Variants in SYNGR1 observed in about 807,000 individuals in gnomAD.
SYNGR1 encodes the protein synaptogyrin 1, also known as synaptogyrin-1.
SYNGR1 carries 14 observed loss-of-function variants against 26.1 expected under a neutral mutation model. The observed-to-expected ratio is 0.54, with a 90% CI of 0.35 to 0.84. The LOEUF (loss-of-function observed/expected upper bound fraction) is 0.84. SYNGR1 is among the 40% of genes least tolerant of loss of function. The probability of loss-of-function intolerance (pLI) is 0.01; values close to 1 mark genes in which losing one functional copy is unlikely to be tolerated. For missense variants in SYNGR1, 319 were observed against 332.9 expected (o/e 0.96, Z 0.33); for synonymous variants, 141 against 150.1 (o/e 0.94, Z 0.44).
At chr22:39,363,169 C>T (rs1924569554) in intron 1 of SYNGR1, among the ~76,000 whole-genome samples, 1 of 151,694 alleles carries the variant, frequency 6.6e-6, no homozygotes, top group Non-Finnish European at 1.5e-5. Context: ...CTCAGGAGGG[C>T]TTGGGAGGAG....
chr22:39,380,163 G>GAAAAAAAAAA (rs11376276), intron 3 of SYNGR1: 1 of 138,320 alleles, frequency 7.2e-6, no homozygotes. Flanking sequence ...TGAGATCTGT[G>GAAAAAAAAAA]AAAAAAAAAA....
At chr22:39,376,454 TCA>T (rs1925288895) in intron 3 of SYNGR1, among the ~76,000 whole-genome samples, 1 of 94,208 alleles carries the variant, frequency 1.1e-5, no homozygotes, top group South Asian at 4.6e-4. Flanking sequence ...TTCCTGGGGG[TCA>T]CGGACCACCC....
At position 39,350,654 on chromosome 22, in the gene SYNGR1, C is replaced by T. The variant is rs1349639278; in HGVS notation, c.99+545C>T. ...GGGAACTGAGTACCTCTCTTCCACC[C>T]GGGAACTGCCTCTCCTTCTCTGCGT... On this transcript the variant is annotated intron_variant, in intron 1 of 3. Coordinates refer to ENST00000328933, the MANE Select transcript of SYNGR1 (RefSeq NM_004711.5). The surrounding 1 kb of genome is among the most constrained non-coding windows in gnomAD (Gnocchi z 4.3). Among the ~76,000 whole-genome samples, 2 of 152,148 alleles carry T rather than the reference C, an allele frequency of 1.3e-5. No individual in the cohort carries two copies. Among genetic ancestry groups the T allele is most frequent in the South Asian group, 2.1e-4 (1 of 4,814 alleles).
At chr22:39,364,623 A>G (rs539655300) in intron 1 of SYNGR1, among the ~76,000 whole-genome samples, 3 of 152,248 alleles carry the variant, frequency 2.0e-5, no homozygotes, top group African/African-American at 7.2e-5. Context: ...CAGCGTTCAG[A>G]GGGCAAAGAG....
intron 3 of SYNGR1, among the ~76,000 whole-genome samples, chr22:39,380,539 A>G (rs1210344925): frequency 6.7e-6 from 1 of 150,030 alleles, no homozygotes; most frequent in African/African-American, 2.5e-5. Context: ...ACAGGCCAGT[A>G]CCACTATGCC....
At chr22:39,373,569 A>T (rs1037198094) in intron 1 of SYNGR1, among the ~76,000 whole-genome samples, 1 of 151,628 alleles carries the variant, frequency 6.6e-6, no homozygotes, top group Non-Finnish European at 1.5e-5. Flanking sequence ...TACAACCTCC[A>T]CCTCCTGGGC....
chr22:39,375,883 C>A, intron 2 of SYNGR1, 169 bp from the exon 3 acceptor site: 1 of 878,192 alleles, frequency 1.1e-6, no homozygotes, highest in Non-Finnish European at 1.9e-6. Flanking sequence ...CTTCTCTTGG[C>A]TCCCCTCTCT....
chr22:39,372,009 T>C (rs1366850442), intron 1 of SYNGR1, among the ~76,000 whole-genome samples: 1 of 152,014 alleles, frequency 6.6e-6, no homozygotes, highest in Non-Finnish European at 1.5e-5. Context: ...TTTCTGTGGG[T>C]GAGGAATCTG....
intron 1 of SYNGR1, among the ~76,000 whole-genome samples, chr22:39,373,738 C>A (rs940799255): frequency 3.3e-5 from 5 of 152,196 alleles, no homozygotes; most frequent in African/African-American, 1.2e-4. Context: ...CTACCTTGGC[C>A]TCCCAAAGTG....
rs137704 is a variant in SYNGR1, at chr22:39,354,843, T to TA, written c.99+4748dup. On this transcript the variant is annotated intron_variant, in intron 1 of 3. Coordinates refer to ENST00000328933, the MANE Select transcript of SYNGR1 (RefSeq NM_004711.5). ...AACAAAAGCAAAACTCTGTCTCAAA[T>TA]AAAAAAAAAAAAAAGCTGAACGTTT... 3.4e-3 allele frequency among the ~76,000 whole-genome samples: 480 copies of TA among 141,134 alleles called. 2 individuals carry two copies. Among genetic ancestry groups the TA allele is most frequent in the Admixed American group, 4.0e-3 (58 of 14,496 alleles). The allele number at this position is 141,134 out of a possible 152,430, so 92.6% of individuals were successfully genotyped here.
intron 1 of SYNGR1, among the ~76,000 whole-genome samples, chr22:39,373,775 C>A (rs984506076): frequency 6.6e-6 from 1 of 152,176 alleles, no homozygotes; most frequent in Admixed American, 6.5e-5. Flanking sequence ...GAGCCACCAC[C>A]CCCAGCCCAC....
At position 39,385,247 on chromosome 22, in the gene SYNGR1, T is replaced by C. The variant is rs1429298446; in HGVS notation, c.*3333T>C. 16 of 369,374 alleles carry C rather than the reference T, an allele frequency of 4.3e-5. No individual in the cohort carries two copies. Among genetic ancestry groups the C allele is most frequent in the Non-Finnish European group, 4.8e-6 (1 of 208,000 alleles). 22.9% of individuals were successfully genotyped at this position (369,374 alleles called of 1,614,324 possible). On this transcript the variant is annotated 3_prime_UTR_variant, in exon 4 of 4. Coordinates refer to ENST00000328933, the MANE Select transcript of SYNGR1 (RefSeq NM_004711.5). ...GATGCACTTGACCTGACACTCCCCA[T>C]GTCCTGGTGCGCACAGCCCTTGTCG...
intron 1 of SYNGR1, among the ~76,000 whole-genome samples, chr22:39,353,665 C>A (rs1167328715): frequency 1.3e-5 from 2 of 152,234 alleles, no homozygotes; most frequent in African/African-American, 2.4e-5. Flanking sequence ...AGTGCCTGAT[C>A]TGTTGCGCGG....
intron 1 of SYNGR1, among the ~76,000 whole-genome samples, chr22:39,368,768 A>G (rs1465365788): frequency 2.0e-5 from 3 of 152,120 alleles, no homozygotes; most frequent in Non-Finnish European, 4.4e-5. Flanking sequence ...GGAGATCCAC[A>G]CTTATTTTCA....
intron 1 of SYNGR1, among the ~76,000 whole-genome samples, chr22:39,358,600 G>A (rs1013042530): frequency 6.6e-6 from 1 of 151,912 alleles, no homozygotes; most frequent in African/African-American, 2.4e-5. Context: ...CACTCACCGC[G>A]AAGGTCTGTA....
chr22:39,362,401 C>T (rs893651710), intron 1 of SYNGR1, among the ~76,000 whole-genome samples: 2 of 78,458 alleles, frequency 2.5e-5, no homozygotes, highest in Non-Finnish European at 5.2e-5. Flanking sequence ...CAAGGCTGCA[C>T]AACCCGGTGT....
chr22:39,370,674 G>A lies in SYNGR1; in HGVS notation c.100-3642G>A, dbSNP rs114530814. The stretch of plus-strand genomic sequence containing the variant: ...GTCCCGCTCTGTCGGCTGGAGTGCA[G>A]TGACACAATCTCAGCTCACGGCAAC... On this transcript the variant is annotated intron_variant, in intron 1 of 3. Transcript: ENST00000328933. 6.8e-3 allele frequency among the ~76,000 whole-genome samples: 1,023 copies of A among 149,856 alleles called. 19 individuals carry two copies. The highest frequency in any genetic ancestry group is 0.024 in the African/African-American group (983 of 40,516).
chr22:39,353,529 G>A (rs1305260870), intron 1 of SYNGR1, among the ~76,000 whole-genome samples: 2 of 152,132 alleles, frequency 1.3e-5, no homozygotes, highest in Admixed American at 6.6e-5. Flanking sequence ...TGGTGTCATC[G>A]CCCCAGTGGC....
chr22:39,368,834 G>A (rs1354827940), intron 1 of SYNGR1, among the ~76,000 whole-genome samples: 1 of 152,254 alleles, frequency 6.6e-6, no homozygotes, highest in Non-Finnish European at 1.5e-5. Flanking sequence ...CTGTTAGTAA[G>A]TGTTCGAGAG....
Sources: allele counts gnomAD v4.1 joint callset (sites outside exome capture counted in the v4.1 genomes callset), GRCh38; gene constraint gnomAD v4.1.1; non-coding constraint Gnocchi (gnomAD v3.1); transcripts MANE v1.5; gene names NCBI Gene and HGNC (gene_info 2026-07-23, HGNC 2026-07-21).